COL19A1: variants seen among roughly 807,000 people sequenced by gnomAD.
COL19A1 encodes the protein collagen alpha-1(XIX) chain.
COL19A1 carries 159 observed loss-of-function variants against 190.2 expected under a neutral mutation model. The ratio of observed to expected loss-of-function variants is 0.84; its 90% CI spans 0.73 to 0.95. COL19A1 has a LOEUF of 0.95. Ranked by LOEUF, COL19A1 falls within the 40% of genes least tolerant of loss-of-function variation. The pLI, the probability that COL19A1 is intolerant of heterozygous loss-of-function variation, is 0.00. For missense variants in COL19A1, 1,418 were observed against 1,431.9 expected (o/e 0.99, Z 0.16); for synonymous variants, 509 against 458.9 (o/e 1.11, Z -1.39).
chr6:70,080,416 G>T (rs1437351134), intron 15 of COL19A1, among the ~76,000 whole-genome samples: 2 of 152,172 alleles, frequency 1.3e-5, no homozygotes, highest in East Asian at 3.9e-4. Context: ...TTTTCAAGCT[G>T]CTGGGGAAAA....
At chr6:69,921,637 T>C (rs1166158975) in intron 4 of COL19A1, among the ~76,000 whole-genome samples, 1 of 144,716 alleles carries the variant, frequency 6.9e-6, no homozygotes, top group Admixed American at 7.1e-5. Flanking sequence ...GATTCGTATA[T>C]ATTCGTATAT....
At chr6:70,148,852 G>A (rs1005090578) in intron 27 of COL19A1, among the ~76,000 whole-genome samples, 10 of 151,920 alleles carry the variant, frequency 6.6e-5, no homozygotes, top group African/African-American at 1.4e-4. Context: ...GCTTGAACCC[G>A]GGAGGCGGAG....
intron 48 of COL19A1, among the ~76,000 whole-genome samples, chr6:70,197,208 CAGG>C (rs1207861091): frequency 2.0e-5 from 3 of 151,778 alleles, no homozygotes; most frequent in African/African-American, 7.3e-5. Context: ...ATCACGAGGT[CAGG>C]AGATCGAGAC....
chr6:70,170,255 T>C lies in COL19A1; in HGVS notation c.2568+1574T>C, dbSNP rs1313531761. Among the ~76,000 whole-genome samples, 4 of 152,114 alleles carry C rather than the reference T, an allele frequency of 2.6e-5. No homozygotes were observed. The East Asian group carries it at 5.8e-4, about 22-fold the overall frequency. ...CAGCACCACCCTGCAACTCTCATCATCTCCCACCAGCTGTCCTGTAGGGAA... is the reference window on the plus strand; with the variant it reads ...CAGCACCACCCTGCAACTCTCATCACCTCCCACCAGCTGTCCTGTAGGGAA... On this transcript the variant is annotated intron_variant, in intron 40 of 50. Coordinates refer to ENST00000620364, the MANE Select transcript of COL19A1 (RefSeq NM_001858.6).
chr6:70,072,087 G>A (rs1283016562), intron 15 of COL19A1, among the ~76,000 whole-genome samples: 1 of 152,112 alleles, frequency 6.6e-6, no homozygotes, highest in African/African-American at 2.4e-5. Flanking sequence ...TGGAAACCCA[G>A]AGAAGTATCT....
intron 15 of COL19A1, among the ~76,000 whole-genome samples, chr6:70,074,116 G>A (rs953597642): frequency 2.6e-5 from 4 of 152,078 alleles, no homozygotes; most frequent in African/African-American, 9.7e-5. Flanking sequence ...TGCCCTCATA[G>A]TCTAGCCATG....
In COL19A1 at chr6:70,146,679, A is replaced by G. The variant is rs1282934180; in HGVS notation, c.1791A>G (p.Gly597=). 2.5e-6 allele frequency: 4 copies of G among 1,607,248 alleles called. No individual in the cohort carries two copies. Among genetic ancestry groups the G allele is most frequent in the Non-Finnish European group, 3.4e-6 (4 of 1,176,984 alleles). Residue 597 remains glycine (G), a synonymous_variant, in exon 26 of 51, where the codon GGA becomes GGG. Coordinates refer to ENST00000620364, the MANE Select transcript of COL19A1 (RefSeq NM_001858.6). ...TTTAGGGATTAGATGGAAATCCTGG[A>G]GCACCTGGTCCACGTGGGCCAAAGG... ...PGEPGLDGNP[G]APGPRGPKGE...
At chr6:69,934,208 C>T (rs1233299796) in intron 7 of COL19A1, among the ~76,000 whole-genome samples, 1 of 151,906 alleles carries the variant, frequency 6.6e-6, no homozygotes, top group African/African-American at 2.4e-5. Context: ...ATCTCCAATC[C>T]ACTTCATGTA....
At chr6:69,910,826 T>C (rs1282783881) in intron 4 of COL19A1, among the ~76,000 whole-genome samples, 2 of 152,210 alleles carry the variant, frequency 1.3e-5, no homozygotes, top group African/African-American at 2.4e-5. Context: ...GAAAGGCATG[T>C]AAGCATGTAC....
chr6:70,023,501 C>T (rs1244695645), intron 11 of COL19A1, 126 bp from the exon 12 acceptor site: 14 of 693,926 alleles, frequency 2.0e-5, no homozygotes, highest in South Asian at 8.3e-5. Context: ...TTTTAATAAA[C>T]GTGCCTTTCA....
rs1427332103 is a variant in COL19A1 at position 69,966,225 on chromosome 6, GA to G, written c.1026+3357del. Among the ~76,000 whole-genome samples, 3 of 152,256 alleles carry G rather than the reference GA, an allele frequency of 2.0e-5. No individual in the cohort carries two copies. In the East Asian group the frequency reaches 5.8e-4, roughly 29 times the overall value. On this transcript the variant is annotated intron_variant, in intron 11 of 50. Coordinates refer to ENST00000620364, the MANE Select transcript of COL19A1 (RefSeq NM_001858.6). ...ACCTCTGCCCGGCCGCCCCGTCTGG[GA>G]AGTGAGGAGCCCCTCTGCCCGGCCG... is the stretch of plus-strand genomic sequence containing the variant.
intron 11 of COL19A1, among the ~76,000 whole-genome samples, chr6:70,020,493 T>C (rs1778356942): frequency 6.6e-6 from 1 of 152,162 alleles, no homozygotes; most frequent in South Asian, 2.1e-4. Flanking sequence ...CAGAATTAAC[T>C]TAAATGCAGG....
chr6:70,017,124 G>A (rs1034199995), intron 11 of COL19A1, among the ~76,000 whole-genome samples: 5 of 151,996 alleles, frequency 3.3e-5, no homozygotes, highest in African/African-American at 1.2e-4. Context: ...AATAAAATAT[G>A]GTGTACCCAC....
intron 31 of COL19A1, 100 bp from the exon 32 acceptor site, chr6:70,156,027 C>A: frequency 1.2e-6 from 1 of 868,306 alleles, no homozygotes; most frequent in Non-Finnish European, 1.8e-6. Flanking sequence ...CTATATCACT[C>A]ATCTCCAGAG....
chr6:70,173,496 T>C (rs1765621146), intron 41 of COL19A1, among the ~76,000 whole-genome samples: 1 of 152,180 alleles, frequency 6.6e-6, no homozygotes, highest in Middle Eastern at 3.4e-3. Flanking sequence ...GAGAGAATAA[T>C]GAATCAAAGG....
chr6:70,074,634 ACTAACAATTGT>A (rs1781767379), intron 15 of COL19A1, among the ~76,000 whole-genome samples: 1 of 152,140 alleles, frequency 6.6e-6, no homozygotes, highest in Admixed American at 6.6e-5. Flanking sequence ...GGTAGAAACC[ACTAACAATTGT>A]CTGCAGTTGC....
Position 70,172,029 on chromosome 6 carries a change from A to G in COL19A1, c.2622+12A>G. On this transcript the variant is annotated intron_variant, in intron 41 of 50. Transcript: ENST00000620364. ...TTCCAGGTGTAAAGGTAAGCACAGA[A>G]GTTAGAAATGTGTTCATTTATTCAA... The G allele has an allele frequency of 1.9e-6, 3 of 1,607,774 alleles. No homozygotes were observed. The highest frequency in any genetic ancestry group is 2.5e-6 in the Non-Finnish European group (3 of 1,178,004).
At chr6:69,879,781 T>C in intron 2 of COL19A1, 123 bp downstream of exon 2, 1 of 840,228 alleles carries the variant, frequency 1.2e-6, no homozygotes, top group Non-Finnish European at 1.8e-6. Context: ...TAAATTACAA[T>C]TCATTGCTTT....
intron 16 of COL19A1, among the ~76,000 whole-genome samples, chr6:70,112,121 T>C (rs985328819): frequency 6.6e-6 from 1 of 152,156 alleles, no homozygotes. Context: ...GTGGGGTCCA[T>C]GTAAGCCATC....
Sources: allele counts gnomAD v4.1 joint callset (sites outside exome capture counted in the v4.1 genomes callset), GRCh38; gene constraint gnomAD v4.1.1; transcripts MANE v1.5; gene names NCBI Gene and HGNC (gene_info 2026-07-23, HGNC 2026-07-21).